Variants in MBD5 observed in about 807,000 individuals in gnomAD.
The protein encoded by MBD5 is methyl-CpG-binding domain protein 5.
Under a neutral mutation model 117.3 loss-of-function variants are expected in MBD5, and 13 were observed. That is an observed-to-expected ratio of 0.11 (90% CI 0.07 to 0.18). The LOEUF is 0.18. MBD5 is among the 10% of genes least tolerant of loss of function. MBD5 has a pLI of 1.00. For missense variants in MBD5, 1,879 were observed against 2,093.8 expected, an observed-to-expected ratio of 0.90 and a Z score of 2.00; for synonymous variants, 727 against 766.4, an observed-to-expected ratio of 0.95 and a Z score of 0.85.
chr2:148,094,447 T>C (rs1389511270), intron 1 of MBD5, among the ~76,000 whole-genome samples: 1 of 152,220 alleles, frequency 6.6e-6, no homozygotes, highest in East Asian at 1.9e-4. Context: ...CTCTGCATGT[T>C]ATTACTTTCA....
intron 4 of MBD5, among the ~76,000 whole-genome samples, chr2:148,398,763 T>G (rs1334319599): frequency 6.6e-6 from 1 of 152,250 alleles, no homozygotes; most frequent in African/African-American, 2.4e-5. Context: ...CTAGGTTTTC[T>G]TCTAGGGATT....
chr2:148,114,360 C>T (rs953186208), intron 1 of MBD5, among the ~76,000 whole-genome samples: 6 of 152,012 alleles, frequency 3.9e-5, no homozygotes, highest in African/African-American at 1.4e-4. Context: ...ATCTCCGCTT[C>T]TCGGGAGGCT....
At chr2:148,461,497 T>G (rs1247963756) in intron 5 of MBD5, among the ~76,000 whole-genome samples, 6 of 152,188 alleles carry the variant, frequency 3.9e-5, no homozygotes, top group African/African-American at 1.4e-4. Flanking sequence ...ACTACTTGTG[T>G]TTTTGTAGAT....
At chr2:148,391,896 G>A (rs1424047732) in intron 4 of MBD5, among the ~76,000 whole-genome samples, 2 of 152,100 alleles carry the variant, frequency 1.3e-5, no homozygotes, top group East Asian at 1.9e-4. Context: ...TCTACAAAAG[G>A]ATATTTCCCT....
At chr2:148,219,625 C>G (rs1246259434) in intron 2 of MBD5, among the ~76,000 whole-genome samples, 3 of 152,040 alleles carry the variant, frequency 2.0e-5, no homozygotes, top group African/African-American at 7.2e-5. Context: ...TAAACGTTTG[C>G]TATTATTAGG....
At chr2:148,110,972 G>T (rs1185743542) in intron 1 of MBD5, among the ~76,000 whole-genome samples, 1 of 151,660 alleles carries the variant, frequency 6.6e-6, no homozygotes, top group East Asian at 1.9e-4. Flanking sequence ...ATTTCTATGA[G>T]GTTTTTATTT....
intron 4 of MBD5, among the ~76,000 whole-genome samples, chr2:148,455,229 C>A (rs1051664961): frequency 6.6e-6 from 1 of 152,106 alleles, no homozygotes; most frequent in African/African-American, 2.4e-5. Context: ...AAGACCCTTA[C>A]AATTGTGCTG....
At position 148,108,501 on chromosome 2, in the gene MBD5, C is replaced by T. The variant is rs577866263; in HGVS notation, c.-924-70199C>T. ...TTGTGGTCCCAGCATTATGGATGGT[C>T]GGCTATTGGGTTGTCCCACCTTCTG... On this transcript the variant is annotated intron_variant, in intron 1 of 13. Coordinates refer to ENST00000642680, the MANE Select transcript of MBD5 (RefSeq NM_001378120.1). Among the ~76,000 whole-genome samples the T allele has an allele frequency of 2.7e-5, 4 of 148,388 alleles. No homozygotes were observed. In the East Asian group the frequency reaches 5.9e-4, roughly 22 times the overall value.
At chr2:148,384,537 T>C (rs1178658876) in intron 4 of MBD5, among the ~76,000 whole-genome samples, 2 of 152,140 alleles carry the variant, frequency 1.3e-5, no homozygotes, top group African/African-American at 2.4e-5. Flanking sequence ...ACATACTGCC[T>C]AAGGTAACTT....
Position 148,302,195 on chromosome 2 carries a change from C to A in MBD5, c.-679-40019C>A, listed in dbSNP as rs58448454. Among the ~76,000 whole-genome samples the A allele has an allele frequency of 3.6e-3, 550 of 152,274 alleles. 3 individuals are homozygous for A. The highest frequency in any genetic ancestry group is 0.012 in the African/African-American group (513 of 41,546). On this transcript the variant is annotated intron_variant, in intron 3 of 13. Coordinates refer to ENST00000642680, the MANE Select transcript of MBD5 (RefSeq NM_001378120.1). ...AGATTAATATTTTGAAAAAAATCCTCTTGCTGTGGGCATGAAGAATAGATT... is the reference window on the plus strand; with the variant it reads ...AGATTAATATTTTGAAAAAAATCCTATTGCTGTGGGCATGAAGAATAGATT...
At chr2:148,140,043 T>C (rs1299238777) in intron 1 of MBD5, among the ~76,000 whole-genome samples, 3 of 152,202 alleles carry the variant, frequency 2.0e-5, no homozygotes, top group East Asian at 1.9e-4. Context: ...TTAAAGATTA[T>C]CTAGTCTAAT....
intron 4 of MBD5, among the ~76,000 whole-genome samples, chr2:148,366,672 A>G (rs1559041783): frequency 1.3e-5 from 2 of 152,162 alleles, no homozygotes; most frequent in Non-Finnish European, 1.5e-5. Context: ...AAGCATTCCT[A>G]TACACCAATA....
chr2:148,328,301 T>C (rs2105016341), intron 3 of MBD5, among the ~76,000 whole-genome samples: 1 of 152,260 alleles, frequency 6.6e-6, no homozygotes, highest in South Asian at 2.1e-4. Flanking sequence ...TTTGTTTGTC[T>C]GTGCCGTGCC....
intron 3 of MBD5, among the ~76,000 whole-genome samples, chr2:148,316,138 G>GA (rs1364752184): frequency 6.6e-6 from 1 of 152,058 alleles, no homozygotes; most frequent in Non-Finnish European, 1.5e-5. Flanking sequence ...ACAGCCAGGG[G>GA]AAAATCTACC....
At chr2:148,298,216 T>C (rs549760778) in intron 3 of MBD5, among the ~76,000 whole-genome samples, 1 of 152,326 alleles carries the variant, frequency 6.6e-6, no homozygotes, top group African/African-American at 2.4e-5. Context: ...CCCTGGCCTC[T>C]CAACTGTACT....
At chr2:148,256,384 G>T (rs1700591482) in intron 3 of MBD5, among the ~76,000 whole-genome samples, 1 of 152,226 alleles carries the variant, frequency 6.6e-6, no homozygotes, top group Non-Finnish European at 1.5e-5. Context: ...GTGGCCAAAG[G>T]CATATGGCCT....
chr2:148,335,197 TG>T (rs1702755863), intron 3 of MBD5, among the ~76,000 whole-genome samples: 1 of 152,034 alleles, frequency 6.6e-6, no homozygotes, highest in South Asian at 2.1e-4. Flanking sequence ...AAGACAAGCC[TG>T]GGCAACAAAG....
chr2:148,461,319 T>C (rs1016825958), intron 5 of MBD5, among the ~76,000 whole-genome samples: 2 of 152,168 alleles, frequency 1.3e-5, no homozygotes, highest in African/African-American at 4.8e-5. Context: ...AAAATGAGAA[T>C]TCTCTGCATA....
chr2:148,491,002 AG>A (rs1681508102), intron 11 of MBD5, among the ~76,000 whole-genome samples: 1 of 152,218 alleles, frequency 6.6e-6, no homozygotes, highest in Non-Finnish European at 1.5e-5. Context: ...AGGACCCCCC[AG>A]GCAATGGTTG....
Sources: gnomAD v4.1 joint callset for allele counts (sites outside exome capture counted in the v4.1 genomes callset) on GRCh38, gnomAD v4.1.1 for gene constraint, MANE v1.5 for transcripts, NCBI Gene and HGNC (gene_info 2026-07-23, HGNC 2026-07-21) for gene names.